TTC28: variants seen among roughly 807,000 people sequenced by gnomAD.
TTC28 encodes tetratricopeptide repeat protein 28.
A neutral mutation model predicts 198.0 loss-of-function variants in TTC28; 61 were observed. The observed-to-expected ratio is 0.31, with a 90% CI of 0.25 to 0.38. TTC28 has a LOEUF of 0.38. Ranked by LOEUF, TTC28 falls within the 10% of genes least tolerant of loss-of-function variation. TTC28 has a pLI of 1.00. For missense variants in TTC28, 2,678 were observed against 3,164.0 expected (o/e 0.85, Z 3.69); for synonymous variants, 1,171 against 1,297.8 (o/e 0.90, Z 2.10).
chr22:28,540,404 G>A (rs1052946878), intron 2 of TTC28, among the ~76,000 whole-genome samples: 2 of 152,078 alleles, frequency 1.3e-5, no homozygotes, highest in African/African-American at 4.8e-5. Context: ...ATTTTTAATG[G>A]GGATTAAGAA....
At chr22:27,992,499 A>G in intron 19 of TTC28, 88 bp downstream of exon 19, 10 of 1,342,258 alleles carry the variant, frequency 7.5e-6, no homozygotes, top group Non-Finnish European at 1.0e-5. Flanking sequence ...GCATTCACTT[A>G]CAGGTTCCTA....
rs1328070644 is a variant in TTC28 at position 28,325,852 on chromosome 22, G to T, written c.382-19209C>A. Among the ~76,000 whole-genome samples, 3 of 152,122 alleles carry T rather than the reference G, an allele frequency of 2.0e-5. No individual in the cohort carries two copies. The East Asian group carries it at 5.8e-4, about 29-fold the overall frequency. On this transcript the variant is annotated intron_variant, in intron 2 of 22. Coordinates refer to ENST00000397906, the MANE Select transcript of TTC28 (RefSeq NM_001145418.2). ...AAAAGGAAAAATGACAATACCAAGT[G>T]CTAGTGAGGACAGAGAGAACCTGAA...
At chr22:28,269,998 C>CA (rs1443928294) in intron 5 of TTC28, among the ~76,000 whole-genome samples, 4 of 152,104 alleles carry the variant, frequency 2.6e-5, no homozygotes, top group Non-Finnish European at 5.9e-5. Flanking sequence ...GAACTGTTGA[C>CA]AAAAAAGCCA....
chr22:27,990,894 T>C, intron 19 of TTC28, 82 bp from the exon 20 acceptor site: 3 of 1,401,014 alleles, frequency 2.1e-6, no homozygotes, highest in Non-Finnish European at 1.9e-6. Flanking sequence ...TTATGCAACA[T>C]GAGCTGATCA....
chr22:28,594,709 T>C (rs1005844101), intron 2 of TTC28, among the ~76,000 whole-genome samples: 1 of 152,086 alleles, frequency 6.6e-6, no homozygotes, highest in African/African-American at 2.4e-5. Flanking sequence ...CTGAAATAGA[T>C]AGGATCCTCT....
chr22:28,646,248 C>T (rs550264889), intron 1 of TTC28, among the ~76,000 whole-genome samples: 1 of 152,310 alleles, frequency 6.6e-6, no homozygotes, highest in Non-Finnish European at 1.5e-5. Context: ...AGTGGCACTG[C>T]TATGCACTGG....
At chr22:28,187,236 G>C (rs1924284774) in intron 5 of TTC28, among the ~76,000 whole-genome samples, 1 of 152,108 alleles carries the variant, frequency 6.6e-6, no homozygotes, top group South Asian at 2.1e-4. Context: ...CTTATCTATA[G>C]AGAAATGCAA....
intron 5 of TTC28, among the ~76,000 whole-genome samples, chr22:28,271,554 A>T (rs1032253862): frequency 6.6e-5 from 10 of 152,092 alleles, no homozygotes; most frequent in Admixed American, 2.0e-4. Context: ...TAACTGATTC[A>T]TGGGGGCGGT....
intron 5 of TTC28, among the ~76,000 whole-genome samples, chr22:28,168,813 T>C (rs1601419889): frequency 1.3e-5 from 2 of 152,128 alleles, no homozygotes; most frequent in East Asian, 3.9e-4. Context: ...AAAGCCAAAA[T>C]TGACAAATGG....
Position 28,470,042 on chromosome 22 carries a change from C to T in TTC28, c.381+159510G>A, listed in dbSNP as rs1451492768. Among the ~76,000 whole-genome samples the T allele has an allele frequency of 2.0e-5, 3 of 152,092 alleles. No homozygotes were observed. The East Asian group carries it at 5.8e-4, about 29-fold the overall frequency. On this transcript the variant is annotated intron_variant, in intron 2 of 22. Coordinates refer to ENST00000397906, the MANE Select transcript of TTC28 (RefSeq NM_001145418.2). Reference sequence around the variant, plus strand: ...TCTTTTTCTTACAGATGGGGTCTTGCTATGTTGCCCAAGCTAGTCTCAAAC... The same window carrying T: ...TCTTTTTCTTACAGATGGGGTCTTGTTATGTTGCCCAAGCTAGTCTCAAAC...
chr22:28,073,536 C>T (rs1941065082), intron 12 of TTC28, among the ~76,000 whole-genome samples: 1 of 152,196 alleles, frequency 6.6e-6, no homozygotes, highest in African/African-American at 2.4e-5. Flanking sequence ...GGTCAGCCAT[C>T]AGATGCTGAA....
chr22:28,339,251 A>T (rs1046265117), intron 2 of TTC28, among the ~76,000 whole-genome samples: 1 of 152,110 alleles, frequency 6.6e-6, no homozygotes, highest in African/African-American at 2.4e-5. Context: ...TTCCTCAGGA[A>T]GTTTTGTCTC....
At chr22:28,049,498 G>C (rs1484502326) in intron 12 of TTC28, among the ~76,000 whole-genome samples, 1 of 152,116 alleles carries the variant, frequency 6.6e-6, no homozygotes, top group Non-Finnish European at 1.5e-5. Flanking sequence ...TTTTAGCAGG[G>C]GTGGTTTGGG....
In TTC28 at chr22:28,296,342, AG is replaced by A; in HGVS notation, c.803-15del. 3 of 1,494,210 alleles carry A rather than the reference AG, an allele frequency of 2.0e-6. No homozygotes were observed. Among genetic ancestry groups the A allele is most frequent in the Admixed American group, 2.6e-5 (1 of 38,424 alleles). 92.6% of individuals were successfully genotyped at this position (1,494,210 alleles called of 1,614,324 possible). ...CTGTCTGGTCACCTGGATTGAATTG[AG>A]AAAAAAAAAAAGAAAAAATTTCTCT... On this transcript the variant is annotated splice_polypyrimidine_tract_variant and intron_variant, in intron 4 of 22. Coordinates refer to ENST00000397906, the MANE Select transcript of TTC28 (RefSeq NM_001145418.2).
intron 2 of TTC28, among the ~76,000 whole-genome samples, chr22:28,327,173 T>C (rs2145863838): frequency 6.6e-6 from 1 of 152,334 alleles, no homozygotes; most frequent in Non-Finnish European, 1.5e-5. Flanking sequence ...AATTAAATTA[T>C]GTGACTAGAC....
At chr22:28,480,911 AG>A (rs2048238487) in intron 2 of TTC28, among the ~76,000 whole-genome samples, 1 of 152,186 alleles carries the variant, frequency 6.6e-6, no homozygotes, top group Admixed American at 6.5e-5. Context: ...CCTATTTTTA[AG>A]GGGTTTATTA....
rs548943991 is a variant in TTC28 at position 28,513,494 on chromosome 22, C to G, written c.381+116058G>C. On this transcript the variant is annotated intron_variant, in intron 2 of 22. Coordinates refer to ENST00000397906, the MANE Select transcript of TTC28 (RefSeq NM_001145418.2). ...GCTCACACCAGCAGTAATCCCAGCA[C>G]TTGGAAGGCTGAGGCAGGAGAAGCA... Among the ~76,000 whole-genome samples, 246 of 152,162 alleles carry G rather than the reference C, an allele frequency of 1.6e-3. 1 individual carries two copies. The highest frequency in any genetic ancestry group is 2.1e-3 in the Non-Finnish European group (143 of 68,040).
intron 5 of TTC28, chr22:28,232,970 C>T (rs1350225981): frequency 3.3e-5 from 5 of 151,916 alleles, no homozygotes; most frequent in Non-Finnish European, 5.9e-5. Context: ...GGCGTGGTGA[C>T]GGGCACCTGT....
At chr22:28,330,672 G>T (rs995790224) in intron 2 of TTC28, among the ~76,000 whole-genome samples, 1 of 152,078 alleles carries the variant, frequency 6.6e-6, no homozygotes. Flanking sequence ...CATCTTATCT[G>T]TAACAATTTC....
Sources: gnomAD v4.1 joint callset for allele counts (sites outside exome capture counted in the v4.1 genomes callset) on GRCh38, gnomAD v4.1.1 for gene constraint, MANE v1.5 for transcripts, NCBI Gene and HGNC (gene_info 2026-07-23, HGNC 2026-07-21) for gene names.